Variants in SBK1 observed in about 807,000 individuals in gnomAD.
SBK1 encodes the protein serine/threonine-protein kinase SBK1.
In SBK1, 11 loss-of-function variants were observed where a neutral mutation model predicts 24.4. That is an observed-to-expected ratio of 0.45 (90% CI 0.28 to 0.75). The LOEUF (loss-of-function observed/expected upper bound fraction) is 0.75, where lower values mean the gene tolerates loss of function less well. Among genes scored for constraint, SBK1 ranks in the 30% least tolerant of loss-of-function variants. The probability of loss-of-function intolerance (pLI) is 0.12; values close to 1 mark genes in which losing one functional copy is unlikely to be tolerated. For synonymous variants in SBK1, 308 were observed against 284.4 expected, an observed-to-expected ratio of 1.08 and a Z score of -0.83; for missense variants, 467 against 620.5, an observed-to-expected ratio of 0.75 and a Z score of 2.63.
Position 28,320,108 on chromosome 16 carries a change from T to G in SBK1, c.462T>G (p.Cys154Trp), listed in dbSNP as rs1350293056. 1 of 1,556,336 alleles carries G rather than the reference T, an allele frequency of 6.4e-7. No homozygotes were observed. The highest frequency in any genetic ancestry group is 8.6e-7 in the Non-Finnish European group (1 of 1,156,492). Residue 154 changes from cysteine to tryptophan, a missense_variant, in exon 4 of 4, where the codon TGT becomes TGG. Cys to Trp is a radical substitution (Grantham distance 215, BLOSUM62 -2). Around this residue, in one of 4 missense-constraint regions of SBK1, gnomAD observed 92 missense variants for 193.8 expected, o/e 0.47. Coordinates refer to ENST00000341901, the MANE Select transcript of SBK1 (RefSeq NM_001024401.3). The surrounding 1 kb of genome is among the most constrained non-coding windows in gnomAD (Gnocchi z 8.5). ...TCCCTGAGGACACGGTGAAGCGCTGTGTGCAGCAGCTGGGCCTGGCGCTGG... is the reference window on the plus strand; with the variant it reads ...TCCCTGAGGACACGGTGAAGCGCTGGGTGCAGCAGCTGGGCCTGGCGCTGG... Reference protein sequence around the residue: ...VGLPEDTVKRCVQQLGLALDF... With the variant: ...VGLPEDTVKRWVQQLGLALDF...
intron 1 of SBK1, among the ~76,000 whole-genome samples, chr16:28,313,224 G>A (rs988252885): frequency 1.3e-5 from 2 of 152,028 alleles, no homozygotes; most frequent in Non-Finnish European, 2.9e-5. Flanking sequence ...GAACCCAGGA[G>A]CTGGAGGCTT....
upstream of SBK1, among the ~76,000 whole-genome samples, chr16:28,289,322 C>T (rs147600033): frequency 2.6e-5 from 4 of 152,128 alleles, no homozygotes; most frequent in African/African-American, 9.7e-5. Flanking sequence ...GAATGAAATC[C>T]GAAACTCCTC....
intron 1 of SBK1, among the ~76,000 whole-genome samples, chr16:28,299,395 C>T (rs2044663647): frequency 6.6e-6 from 1 of 152,198 alleles, no homozygotes; most frequent in Non-Finnish European, 1.5e-5. Context: ...GAAGCTGTTT[C>T]CTCAAGATTC....
rs902221874 is a variant in SBK1, at chr16:28,292,766, C to A, written c.-542C>A. 2 of 985,198 alleles carry A rather than the reference C, an allele frequency of 2.0e-6. No homozygotes were observed. The highest frequency in any genetic ancestry group is 1.1e-4 in the East Asian group (1 of 8,850). 61.0% of individuals were successfully genotyped at this position (985,198 alleles called of 1,614,324 possible). A position where few individuals can be genotyped will look rare whatever the true frequency, so the allele number is the denominator to read the frequency against. On this transcript the variant is annotated 5_prime_UTR_variant, in exon 1 of 4. Coordinates refer to ENST00000341901, the MANE Select transcript of SBK1 (RefSeq NM_001024401.3). ...GAGTGCGGGGAGCCCCCTTCCACAT[C>A]CAGGATCCGGCGAGCCTCGGGGAAG...
intron 1 of SBK1, among the ~76,000 whole-genome samples, chr16:28,261,428 TACACAC>T (rs35296302): frequency 0.031 from 3,857 of 124,606 alleles, 96 homozygotes; most frequent in African/African-American, 0.068. Flanking sequence ...GACTCCCGTC[TACACAC>T]ACACACACAC....
chr16:28,286,381 A>T (rs961609255), intron 1 of SBK1: 3 of 152,386 alleles, frequency 2.0e-5, no homozygotes, highest in African/African-American at 7.2e-5. Flanking sequence ...CTGAAAAAAT[A>T]AAAAAATCAC....
intron 2 of SBK1, among the ~76,000 whole-genome samples, chr16:28,318,716 C>A (rs906002284): frequency 6.6e-6 from 1 of 152,154 alleles, no homozygotes; most frequent in African/African-American, 2.4e-5. Context: ...AAGCATATGG[C>A]GGGCAGGACA....
intron 1 of SBK1, among the ~76,000 whole-genome samples, chr16:28,279,577 G>A (rs1487372654): frequency 1.3e-5 from 2 of 152,138 alleles, no homozygotes; most frequent in South Asian, 2.1e-4. Context: ...CTTTCACCTC[G>A]AAAACTGTCA....
chr16:28,289,883 C>G (rs368104760), upstream of SBK1, among the ~76,000 whole-genome samples: 9 of 151,670 alleles, frequency 5.9e-5, no homozygotes, highest in East Asian at 7.8e-4. Flanking sequence ...CTCAGGAGTT[C>G]AAGACCAGCC....
chr16:28,291,579 G>A (rs1188726761), upstream of SBK1: 1 of 151,702 alleles, frequency 6.6e-6, no homozygotes, highest in Non-Finnish European at 1.5e-5. Context: ...AAAAAAGAAA[G>A]AAATAGGGAA....
chr16:28,299,148 C>G (rs1344158879), intron 1 of SBK1, among the ~76,000 whole-genome samples: 1 of 152,150 alleles, frequency 6.6e-6, no homozygotes, highest in African/African-American at 2.4e-5. Context: ...GCTGGGTGAC[C>G]TTGGACAAGG....
At chr16:28,292,092 T>C (rs1051192415), upstream of SBK1, 1 of 151,884 alleles carries the variant, frequency 6.6e-6, no homozygotes, top group Admixed American at 6.6e-5. Context: ...TTTTCCCTCC[T>C]TCAAACACAC....
chr16:28,280,127 ATATATATATATATATATATATATG>A (rs1567672115), intron 1 of SBK1, among the ~76,000 whole-genome samples: 1 of 68,130 alleles, frequency 1.5e-5, no homozygotes, highest in East Asian at 3.1e-4. Flanking sequence ...ATATATATAT[ATATATATATATATATATATATATG>A]TGTGTGTGTG....
chr16:28,260,671 G>T (rs1431225221), intron 1 of SBK1, among the ~76,000 whole-genome samples: 1 of 152,214 alleles, frequency 6.6e-6, no homozygotes, highest in Non-Finnish European at 1.5e-5. Context: ...TGCTATGGTT[G>T]TCAGCTTAAC....
Position 28,317,280 on chromosome 16 carries a change from C to T in SBK1, c.-7-105C>T. 1.2e-6 allele frequency: 1 copy of T among 801,116 alleles called. No homozygotes were observed. Among genetic ancestry groups the T allele is most frequent in the Non-Finnish European group, 2.0e-6 (1 of 498,524 alleles). 49.6% of individuals were successfully genotyped at this position (801,116 alleles called of 1,614,324 possible). On this transcript the variant is annotated intron_variant, in intron 1 of 3. Coordinates refer to ENST00000341901, the MANE Select transcript of SBK1 (RefSeq NM_001024401.3). The surrounding 1 kb of genome is among the most constrained non-coding windows in gnomAD (Gnocchi z 4.2). ...CTTGTGGTTATCTTGGGCCTGGCAT[C>T]CGGGCCCATCCTCAAGTTTTCTGGG...
chr16:28,303,466 C>G lies in SBK1; in HGVS notation c.-8+10166C>G, dbSNP rs186216744. Among the ~76,000 whole-genome samples the G allele has an allele frequency of 1.1e-3, 166 of 145,564 alleles. 2 individuals are homozygous for G. The highest frequency in any genetic ancestry group is 0.01 in the Admixed American group (148 of 14,702). On this transcript the variant is annotated intron_variant, in intron 1 of 3. Coordinates refer to ENST00000341901, the MANE Select transcript of SBK1 (RefSeq NM_001024401.3). ...AATACAAATGAGAAACCTGTTCTTA[C>G]TTCTCACTATTTCTTTTTTCTTTTT...
intron 1 of SBK1, among the ~76,000 whole-genome samples, chr16:28,266,272 T>C (rs2141558723): frequency 6.6e-6 from 1 of 151,736 alleles, no homozygotes; most frequent in Admixed American, 6.6e-5. Flanking sequence ...GAGGCTGAGG[T>C]GGGAGGATCG....
chr16:28,296,187 C>T (rs867098784), intron 1 of SBK1, among the ~76,000 whole-genome samples: 4 of 151,398 alleles, frequency 2.6e-5, no homozygotes, highest in African/African-American at 9.7e-5. Flanking sequence ...CTCCACCTCC[C>T]GGGTTCAAGC....
chr16:28,289,600 C>G (rs1298428342), upstream of SBK1, among the ~76,000 whole-genome samples: 7 of 151,466 alleles, frequency 4.6e-5, no homozygotes, highest in Non-Finnish European at 8.8e-5. Flanking sequence ...AACCTCATCT[C>G]TACTAAAAAT....
Sources: allele counts gnomAD v4.1 joint callset (sites outside exome capture counted in the v4.1 genomes callset), GRCh38; gene constraint gnomAD v4.1.1; regional missense constraint gnomAD v4.1.1; non-coding constraint Gnocchi (gnomAD v3.1); transcripts MANE v1.5; gene names NCBI Gene and HGNC (gene_info 2026-07-23, HGNC 2026-07-21).